Variants in CNTNAP2 observed in about 807,000 individuals in gnomAD.
The protein encoded by CNTNAP2 is contactin-associated protein-like 2.
In CNTNAP2, 98 loss-of-function variants were observed where a neutral mutation model predicts 155.2. That is an observed-to-expected ratio of 0.63 (90% CI 0.54 to 0.75). CNTNAP2 has a LOEUF of 0.75. Ranked by LOEUF, CNTNAP2 falls within the 30% of genes least tolerant of loss-of-function variation. CNTNAP2 has a pLI of 0.00. For missense variants in CNTNAP2, 1,727 were observed against 1,688.1 expected (o/e 1.02, Z -0.40); for synonymous variants, 651 against 631.2 (o/e 1.03, Z -0.47).
At chr7:147,812,491 A>G (rs960920758) in intron 13 of CNTNAP2, among the ~76,000 whole-genome samples, 1 of 151,442 alleles carries the variant, frequency 6.6e-6, no homozygotes, top group African/African-American at 2.4e-5. Flanking sequence ...AAAAAACTGT[A>G]ATAATTTAAA....
chr7:146,656,915 T>C (rs1370263289), intron 1 of CNTNAP2, among the ~76,000 whole-genome samples: 1 of 152,188 alleles, frequency 6.6e-6, no homozygotes, highest in Admixed American at 6.6e-5. Flanking sequence ...TCTCATAGCC[T>C]TTAGAAGAAA....
At chr7:147,365,100 G>GTT (rs1382197239) in intron 9 of CNTNAP2, among the ~76,000 whole-genome samples, 1 of 151,920 alleles carries the variant, frequency 6.6e-6, no homozygotes, top group Non-Finnish European at 1.5e-5. Flanking sequence ...AGTTTTTCCT[G>GTT]TTTTTAAAAC....
intron 1 of CNTNAP2, among the ~76,000 whole-genome samples, chr7:146,765,473 G>C (rs575432121): frequency 1.3e-5 from 2 of 152,280 alleles, no homozygotes; most frequent in African/African-American, 4.8e-5. Context: ...ACTTTGCCTT[G>C]CTTGCTTTTA....
In CNTNAP2 at chr7:147,033,318, G is replaced by A. The variant is rs188026134; in HGVS notation, c.403-10589G>A. Among the ~76,000 whole-genome samples, 557 of 150,860 alleles carry A rather than the reference G, an allele frequency of 3.7e-3. 8 individuals carry two copies. The highest frequency in any genetic ancestry group is 0.014 in the Middle Eastern group (4 of 290). ...TGAACAAGCTAAATTTGATTGGGGT[G>A]GGGGGTTAATTTTTACATCTCTCCT... On this transcript the variant is annotated intron_variant, in intron 3 of 23. Coordinates refer to ENST00000361727, the MANE Select transcript of CNTNAP2 (RefSeq NM_014141.6).
intron 1 of CNTNAP2, among the ~76,000 whole-genome samples, chr7:146,594,025 C>A (rs879403146): frequency 2.0e-5 from 3 of 152,068 alleles, no homozygotes; most frequent in Non-Finnish European, 2.9e-5. Context: ...ATCTGATGAC[C>A]CTGGCCTGTC....
chr7:147,264,404 A>G (rs555261433), intron 8 of CNTNAP2, among the ~76,000 whole-genome samples: 1 of 152,042 alleles, frequency 6.6e-6, no homozygotes, highest in East Asian at 2.0e-4. Context: ...TGTGAAAGAG[A>G]TACGTAGAAT....
intron 23 of CNTNAP2, among the ~76,000 whole-genome samples, chr7:148,410,910 A>C (rs984841699): frequency 8.5e-5 from 13 of 152,214 alleles, no homozygotes; most frequent in African/African-American, 3.1e-4. Flanking sequence ...ACAAAAATGT[A>C]CTGTACTTGG....
rs542413177 is a variant in CNTNAP2 at position 147,118,745 on chromosome 7, C to A, written c.755-2234C>A. On this transcript the variant is annotated intron_variant, in intron 5 of 23. Coordinates refer to ENST00000361727, the MANE Select transcript of CNTNAP2 (RefSeq NM_014141.6). ...AAAAAACTGGTAAGTATTTGCATAT[C>A]AAAAAATAGAATGGATACAGTGAAA... 2.0e-5 allele frequency among the ~76,000 whole-genome samples: 3 copies of A among 152,102 alleles called. No individual in the cohort carries two copies. In the East Asian group the frequency reaches 5.8e-4, roughly 29 times the overall value.
At chr7:147,051,186 A>T (rs949743176) in intron 4 of CNTNAP2, among the ~76,000 whole-genome samples, 1 of 76,380 alleles carries the variant, frequency 1.3e-5, no homozygotes, top group Non-Finnish European at 2.1e-5. Context: ...ATATATATGT[A>T]TATATATATA....
At chr7:146,317,867 C>A (rs1230701080) in intron 1 of CNTNAP2, among the ~76,000 whole-genome samples, 1 of 152,220 alleles carries the variant, frequency 6.6e-6, no homozygotes, top group Non-Finnish European at 1.5e-5. Context: ...ATTGGCCGGG[C>A]ATGGCGGCTC....
At chr7:148,412,029 G>A (rs992668728) in intron 23 of CNTNAP2, among the ~76,000 whole-genome samples, 11 of 151,958 alleles carry the variant, frequency 7.2e-5, no homozygotes, top group African/African-American at 2.4e-4. Context: ...TGCAACCTCC[G>A]ACTCCCTGGC....
At chr7:146,139,838 A>G (rs916166580) in intron 1 of CNTNAP2, among the ~76,000 whole-genome samples, 1 of 152,194 alleles carries the variant, frequency 6.6e-6, no homozygotes, top group Non-Finnish European at 1.5e-5. Flanking sequence ...GCAATAATAC[A>G]TGCTTGAGTT....
chr7:146,424,313 G>A (rs1302609266), intron 1 of CNTNAP2, among the ~76,000 whole-genome samples: 1 of 152,116 alleles, frequency 6.6e-6, no homozygotes, highest in Admixed American at 6.6e-5. Context: ...ATTGATTACA[G>A]CAAAAGGATA....
chr7:146,323,408 T>G (rs536241658), intron 1 of CNTNAP2, among the ~76,000 whole-genome samples: 117 of 152,186 alleles, frequency 7.7e-4, no homozygotes, highest in Non-Finnish European at 1.5e-3. Context: ...CCGAGTATAA[T>G]GCTGACCAAA....
At chr7:146,875,958 A>AAC (rs1795418416) in intron 3 of CNTNAP2, among the ~76,000 whole-genome samples, 1 of 130,610 alleles carries the variant, frequency 7.7e-6, no homozygotes, top group African/African-American at 3.0e-5. Context: ...AAAAAAAAAA[A>AAC]AAACAAAAAA....
At chr7:147,548,820 A>G (rs1045256854) in intron 11 of CNTNAP2, among the ~76,000 whole-genome samples, 15 of 152,222 alleles carry the variant, frequency 9.9e-5, no homozygotes, top group African/African-American at 3.6e-4. Context: ...AGTTTTCTGC[A>G]TATGGCTAGC....
intron 1 of CNTNAP2, among the ~76,000 whole-genome samples, chr7:146,567,448 A>G (rs1245309424): frequency 7.9e-5 from 12 of 152,172 alleles, no homozygotes; most frequent in African/African-American, 2.9e-4. Context: ...GATAGTAAAA[A>G]TCTATATAGT....
intron 1 of CNTNAP2, among the ~76,000 whole-genome samples, chr7:146,612,572 C>G (rs541957998): frequency 2.0e-5 from 3 of 151,952 alleles, no homozygotes; most frequent in African/African-American, 7.3e-5. Flanking sequence ...AGGCAGTGAG[C>G]AAAAGATGTA....
chr7:147,093,935 AT>A (rs1383050098), intron 4 of CNTNAP2, among the ~76,000 whole-genome samples: 1 of 152,210 alleles, frequency 6.6e-6, no homozygotes, highest in African/African-American at 2.4e-5. Context: ...ACAGGTCCCA[AT>A]TTAAAGTCCC....
Sources: allele counts gnomAD v4.1 joint callset (sites outside exome capture counted in the v4.1 genomes callset), GRCh38; gene constraint gnomAD v4.1.1; transcripts MANE v1.5; gene names NCBI Gene and HGNC (gene_info 2026-07-23, HGNC 2026-07-21).